Variants in EYA4 observed in about 807,000 individuals in gnomAD.
EYA4 encodes protein phosphatase EYA4.
Under a neutral mutation model 87.9 loss-of-function variants are expected in EYA4, and 31 were observed. The ratio of observed to expected loss-of-function variants is 0.35; its 90% confidence interval spans 0.27 to 0.48. The LOEUF is 0.48. Among genes scored for constraint, EYA4 ranks in the 20% least tolerant of loss-of-function variants. The probability of loss-of-function intolerance (pLI) is 0.99; values close to 1 mark genes in which losing one functional copy is unlikely to be tolerated. For missense variants in EYA4, 678 were observed against 761.4 expected (o/e 0.89, Z 1.29); for synonymous variants, 263 against 270.6 (o/e 0.97, Z 0.28).
Position 133,468,572 on chromosome 6 carries a change from CCATCCTATA to C in EYA4, c.814_822del (p.Ser272_Thr274del). ...ATCTCAATTATTGTTTCAGGATTAT[CCATCCTATA>C]CAGCCTTTGGCCAAAACCAGTATGC... On this transcript the variant is annotated inframe_deletion, in exon 11 of 20. Transcript: ENST00000355286. 6.2e-7 allele frequency: 1 copy of C among 1,608,144 alleles called. No individual in the cohort carries two copies. The highest frequency in any genetic ancestry group is 1.1e-5 in the South Asian group (1 of 90,996).
At chr6:133,367,162 C>T (rs1784912574) in intron 2 of EYA4, among the ~76,000 whole-genome samples, 1 of 152,168 alleles carries the variant, frequency 6.6e-6, no homozygotes, top group South Asian at 2.1e-4. Context: ...ATCCTTGGGT[C>T]TTCTTCCTAT....
At chr6:133,321,070 A>G (rs907535873) in intron 2 of EYA4, among the ~76,000 whole-genome samples, 2 of 152,212 alleles carry the variant, frequency 1.3e-5, no homozygotes, top group Non-Finnish European at 2.9e-5. Context: ...CCTAGGACAC[A>G]ATAAACAAAA....
intron 2 of EYA4, among the ~76,000 whole-genome samples, chr6:133,358,444 A>G (rs746615023): frequency 2.3e-4 from 35 of 152,222 alleles, no homozygotes; most frequent in Non-Finnish European, 5.1e-4. Flanking sequence ...TTGGAAATGC[A>G]TCTATAAAGT....
chr6:133,383,632 G>T (rs1301331165), intron 3 of EYA4, among the ~76,000 whole-genome samples: 1 of 145,238 alleles, frequency 6.9e-6, no homozygotes, highest in Non-Finnish European at 1.5e-5. Flanking sequence ...TTGTTTTGTT[G>T]TATGCAGTAT....
At chr6:133,380,320 A>G (rs1168700482) in intron 2 of EYA4, among the ~76,000 whole-genome samples, 3 of 152,210 alleles carry the variant, frequency 2.0e-5, no homozygotes, top group African/African-American at 7.2e-5. Context: ...TGGGTACTAA[A>G]TAGCAAAACC....
intron 3 of EYA4, among the ~76,000 whole-genome samples, chr6:133,419,752 A>G (rs1307464998): frequency 1.3e-5 from 2 of 152,328 alleles, no homozygotes; most frequent in East Asian, 3.9e-4. Flanking sequence ...ACAATGCAAC[A>G]ATGCATCCAG....
intron 1 of EYA4, among the ~76,000 whole-genome samples, chr6:133,254,845 C>CA (rs1341840948): frequency 6.6e-6 from 1 of 152,122 alleles, no homozygotes; most frequent in Non-Finnish European, 1.5e-5. Flanking sequence ...CAGAACAAAA[C>CA]AGAAAAAGAG....
intron 11 of EYA4, among the ~76,000 whole-genome samples, chr6:133,476,905 C>A (rs1465809959): frequency 6.6e-6 from 1 of 152,056 alleles, no homozygotes; most frequent in Non-Finnish European, 1.5e-5. Context: ...GCCCATGTGT[C>A]AAGGGAGAGA....
chr6:133,472,632 C>G (rs367645889), intron 11 of EYA4, among the ~76,000 whole-genome samples: 1 of 38,602 alleles, frequency 2.6e-5, no homozygotes, highest in African/African-American at 1.2e-4. Context: ...GAGCTGAGTT[C>G]AATTCCTGGG....
intron 13 of EYA4, among the ~76,000 whole-genome samples, chr6:133,499,761 G>A (rs1797947513): frequency 6.6e-6 from 1 of 151,952 alleles, no homozygotes; most frequent in South Asian, 2.1e-4. Flanking sequence ...GGAGGTGAAG[G>A]GTGGAAAAGG....
intron 2 of EYA4, among the ~76,000 whole-genome samples, chr6:133,377,306 C>G (rs1417898686): frequency 1.3e-5 from 2 of 152,036 alleles, no homozygotes; most frequent in Non-Finnish European, 2.9e-5. Flanking sequence ...TCTACTTCCT[C>G]TTTTTCATAG....
intron 2 of EYA4, among the ~76,000 whole-genome samples, chr6:133,308,648 C>T (rs1779989154): frequency 6.6e-6 from 1 of 152,126 alleles, no homozygotes; most frequent in Non-Finnish European, 1.5e-5. Context: ...GGTTTTACTA[C>T]TTATGAGATG....
intron 3 of EYA4, among the ~76,000 whole-genome samples, chr6:133,441,565 G>T (rs536345133): frequency 6.6e-6 from 1 of 152,192 alleles, no homozygotes; most frequent in Admixed American, 6.5e-5. Context: ...CCCTGCTGCC[G>T]TGTCTTTCCC....
intron 2 of EYA4, among the ~76,000 whole-genome samples, chr6:133,309,381 G>A (rs1222825641): frequency 6.6e-6 from 1 of 152,132 alleles, no homozygotes; most frequent in Non-Finnish European, 1.5e-5. Flanking sequence ...CAGAAGTACA[G>A]TAATGATTCT....
At chr6:133,250,848 G>T (rs1774838273) in intron 1 of EYA4, among the ~76,000 whole-genome samples, 2 of 152,116 alleles carry the variant, frequency 1.3e-5, no homozygotes, top group African/African-American at 2.4e-5. Context: ...TTAGAGTAGT[G>T]CTTGATATGA....
intron 2 of EYA4, among the ~76,000 whole-genome samples, chr6:133,329,606 A>T (rs987120242): frequency 2.0e-5 from 3 of 152,106 alleles, no homozygotes; most frequent in Admixed American, 2.0e-4. Context: ...TCTGTGAGAA[A>T]TGTGGATGCC....
intron 3 of EYA4, among the ~76,000 whole-genome samples, chr6:133,383,103 AAT>A (rs2128481781): frequency 6.6e-6 from 1 of 152,382 alleles, no homozygotes; most frequent in South Asian, 2.1e-4. Flanking sequence ...ATACTATGAC[AAT>A]AATAAACACA....
chr6:133,246,430 C>T (rs889555125), intron 1 of EYA4, among the ~76,000 whole-genome samples: 1 of 150,954 alleles, frequency 6.6e-6, no homozygotes. Context: ...TATGTTCTAT[C>T]GTGTTAGAAT....
intron 17 of EYA4, 126 bp downstream of exon 17, chr6:133,515,561 C>G: frequency 1.4e-6 from 1 of 692,610 alleles, no homozygotes; most frequent in Non-Finnish European, 2.6e-6. Context: ...ATTCTGAGTT[C>G]AGTGATTTTT....
Sources: allele counts gnomAD v4.1 joint callset (sites outside exome capture counted in the v4.1 genomes callset), GRCh38; gene constraint gnomAD v4.1.1; transcripts MANE v1.5; gene names NCBI Gene and HGNC (gene_info 2026-07-23, HGNC 2026-07-21).